PPM1D: variants seen among roughly 807,000 people sequenced by gnomAD.
PPM1D encodes the protein protein phosphatase, Mg2+/Mn2+ dependent 1D.
Under a neutral mutation model 58.3 loss-of-function variants are expected in PPM1D, and 52 were observed. The ratio of observed to expected loss-of-function variants is 0.89; its 90% CI spans 0.71 to 1.12. The LOEUF (loss-of-function observed/expected upper bound fraction) is 1.12, where lower values mean the gene tolerates loss of function less well. PPM1D is among the 50% of genes most tolerant of loss of function. PPM1D has a pLI of 0.00. For missense variants in PPM1D, 564 were observed against 777.2 expected (o/e 0.73, Z 3.26); for synonymous variants, 278 against 285.1 (o/e 0.98, Z 0.25).
intron 1 of PPM1D, among the ~76,000 whole-genome samples, chr17:60,622,114 T>C (rs185515039): frequency 0.047 from 6,960 of 149,594 alleles, 573 homozygotes; most frequent in African/African-American, 0.16. Flanking sequence ...GGCGTGAACC[T>C]GGGAGGCGGA....
intron 3 of PPM1D, among the ~76,000 whole-genome samples, chr17:60,636,279 T>C (rs2031020465): frequency 6.6e-6 from 1 of 152,228 alleles, no homozygotes; most frequent in Admixed American, 6.5e-5. Flanking sequence ...GTGGATGTAT[T>C]TTAAAAGCAT....
rs2143624850 is a variant in PPM1D, at chr17:60,608,492, T to C, written c.472+7606T>C. Among the ~76,000 whole-genome samples, 3 of 152,132 alleles carry C rather than the reference T, an allele frequency of 2.0e-5. No homozygotes were observed. The South Asian group carries it at 6.2e-4, about 32-fold the overall frequency. On this transcript the variant is annotated intron_variant, in intron 1 of 5. Transcript: ENST00000305921. ...CAGTTTTTACTAAAAATACAAAAAA[T>C]TAGCTGGGTGTGGTGGCATGCGCTG...
intron 1 of PPM1D, among the ~76,000 whole-genome samples, chr17:60,601,106 C>G (rs1290041849): frequency 6.6e-6 from 1 of 152,200 alleles, no homozygotes; most frequent in Non-Finnish European, 1.5e-5. Flanking sequence ...CCTATTCTTG[C>G]TTTATTTCCA....
chr17:60,614,102 A>T (rs2030528522), intron 1 of PPM1D, among the ~76,000 whole-genome samples: 1 of 136,376 alleles, frequency 7.3e-6, no homozygotes, highest in South Asian at 2.5e-4. Context: ...TGGGCTCCTG[A>T]GTCTAGTGGG....
chr17:60,600,647 C>T lies in PPM1D; in HGVS notation c.233C>T (p.Pro78Leu), dbSNP rs1289294131. The stretch of plus-strand genomic sequence containing the variant: ...GTGGCAGCCCGAGAGGCTCGCGACC[C>T]TCTCCCGGACGCCGGGGCCTCGCCG... ...PAVAAREARD[P>L]LPDAGASPAP... Residue 78 changes from proline to leucine, a missense_variant, in exon 1 of 6, where the codon CCT becomes CTT. Pro to Leu is a moderately conservative substitution (Grantham distance 98, BLOSUM62 -3). This residue lies in a region of PPM1D where 132 missense variants were observed against 150.4 expected (regional missense o/e 0.88). Coordinates refer to ENST00000305921, the MANE Select transcript of PPM1D (RefSeq NM_003620.4). 6.5e-7 allele frequency: 1 copy of T among 1,549,020 alleles called. No homozygotes were observed. The highest frequency in any genetic ancestry group is 8.7e-7 in the Non-Finnish European group (1 of 1,151,140).
chr17:60,642,185 C>T (rs966118547), intron 3 of PPM1D, among the ~76,000 whole-genome samples: 27 of 152,236 alleles, frequency 1.8e-4, no homozygotes, highest in Non-Finnish European at 3.4e-4. Flanking sequence ...GAGTATGAAT[C>T]ATCTGGTGAG....
chr17:60,612,238 G>A (rs2143633022), intron 1 of PPM1D, among the ~76,000 whole-genome samples: 1 of 152,156 alleles, frequency 6.6e-6, no homozygotes, highest in African/African-American at 2.4e-5. Context: ...CCATTTCTAG[G>A]TAACCACTGA....
intron 3 of PPM1D, among the ~76,000 whole-genome samples, chr17:60,645,548 A>ATATATGTGTGTGTATATATATG (rs1598410243): frequency 3.9e-5 from 5 of 127,384 alleles, no homozygotes; most frequent in East Asian, 2.3e-4. Context: ...ATATATATGT[A>ATATATGTGTGTGTATATATATG]TATATATGTG....
chr17:60,633,010 G>A (rs1014069325), intron 2 of PPM1D, among the ~76,000 whole-genome samples: 1 of 151,836 alleles, frequency 6.6e-6, no homozygotes, highest in East Asian at 1.9e-4. Context: ...GGCTGGGCAC[G>A]GTGGCTGACG....
intron 4 of PPM1D, 59 bp from the exon 5 acceptor site, chr17:60,656,540 C>G: frequency 1.3e-6 from 2 of 1,582,694 alleles, no homozygotes; most frequent in Non-Finnish European, 1.7e-6. Context: ...GATATAGATA[C>G]AGATGTAGTG....
intron 3 of PPM1D, among the ~76,000 whole-genome samples, chr17:60,643,169 C>T (rs947479293): frequency 6.6e-6 from 1 of 152,012 alleles, no homozygotes; most frequent in African/African-American, 2.4e-5. Flanking sequence ...CGCTTGAGCT[C>T]AGGAGTTCGA....
intron 3 of PPM1D, among the ~76,000 whole-genome samples, chr17:60,647,569 G>A (rs2031271682): frequency 6.6e-6 from 1 of 151,988 alleles, no homozygotes; most frequent in African/African-American, 2.4e-5. Flanking sequence ...ACTGTGCTGG[G>A]AAGGACTCAG....
intron 1 of PPM1D, among the ~76,000 whole-genome samples, chr17:60,609,315 G>A (rs1260402755): frequency 6.6e-6 from 1 of 151,534 alleles, no homozygotes; most frequent in Non-Finnish European, 1.5e-5. Flanking sequence ...GGCTGGTCTC[G>A]AACTCCTGAC....
chr17:60,654,453 G>C (rs1289968128), intron 4 of PPM1D, among the ~76,000 whole-genome samples: 2 of 141,792 alleles, frequency 1.4e-5, no homozygotes, highest in East Asian at 4.5e-4. Flanking sequence ...GCAGTAAGCC[G>C]AGGTCACACC....
chr17:60,614,797 A>G (rs1033940284), intron 1 of PPM1D, among the ~76,000 whole-genome samples: 1 of 152,184 alleles, frequency 6.6e-6, no homozygotes, highest in Non-Finnish European at 1.5e-5. Flanking sequence ...GAAAGTCTGC[A>G]GCTTCATTCC....
intron 3 of PPM1D, among the ~76,000 whole-genome samples, chr17:60,645,484 G>A (rs1183845404): frequency 2.8e-5 from 4 of 142,748 alleles, no homozygotes; most frequent in African/African-American, 1.1e-4. Flanking sequence ...GTGTGTGTGT[G>A]TGTGTGTGTA....
chr17:60,648,886 C>A (rs2031295357), intron 4 of PPM1D, among the ~76,000 whole-genome samples: 1 of 151,836 alleles, frequency 6.6e-6, no homozygotes, highest in South Asian at 2.1e-4. Context: ...ACCTCAGCCT[C>A]CCGAGTAGCT....
At chr17:60,660,740 G>A (rs952365809) in intron 5 of PPM1D, among the ~76,000 whole-genome samples, 20 of 151,212 alleles carry the variant, frequency 1.3e-4, no homozygotes, top group African/African-American at 4.6e-4. Context: ...CAGCCTGGGT[G>A]ACAGAGCAAG....
chr17:60,651,169 A>G (rs77703379), intron 4 of PPM1D, among the ~76,000 whole-genome samples: 3,009 of 152,242 alleles, frequency 0.02, 92 homozygotes, highest in African/African-American at 0.067. Flanking sequence ...AATTGTTTTC[A>G]TAGAGCATTG....
Sources: gnomAD v4.1 joint callset for allele counts (sites outside exome capture counted in the v4.1 genomes callset) on GRCh38, gnomAD v4.1.1 for gene constraint, gnomAD v4.1.1 regional missense constraint, MANE v1.5 for transcripts, NCBI Gene and HGNC (gene_info 2026-07-23, HGNC 2026-07-21) for gene names.